The following SLC4A5 variants were observed in gnomAD, a reference collection of about 807,000 sequenced individuals.
The protein encoded by SLC4A5 is electrogenic sodium bicarbonate cotransporter 4.
Under a neutral mutation model 120.4 loss-of-function variants are expected in SLC4A5, and 96 were observed. The observed-to-expected ratio is 0.80, with a 90% confidence interval of 0.68 to 0.94. The LOEUF (loss-of-function observed/expected upper bound fraction) is 0.94. Ranked by LOEUF, SLC4A5 falls within the 40% of genes least tolerant of loss-of-function variation. The pLI is 0.00. For missense variants in SLC4A5, 1,259 were observed against 1,459.5 expected (o/e 0.86, Z 2.24); for synonymous variants, 550 against 571.1 (o/e 0.96, Z 0.53).
chr2:74,233,178 C>A (rs1377377200), intron 23 of SLC4A5, among the ~76,000 whole-genome samples: 1 of 152,200 alleles, frequency 6.6e-6, no homozygotes, highest in African/African-American at 2.4e-5. Context: ...CCCAGTGGCC[C>A]AGCCTAGTTT....
intron 9 of SLC4A5, among the ~76,000 whole-genome samples, chr2:74,264,818 G>A (rs1671251380): frequency 6.6e-6 from 1 of 152,144 alleles, no homozygotes; most frequent in South Asian, 2.1e-4. Context: ...AGGTTGTCAT[G>A]GCAAGAGGTA....
intron 4 of SLC4A5, among the ~76,000 whole-genome samples, chr2:74,330,127 G>C (rs772424264): frequency 6.6e-6 from 1 of 151,138 alleles, no homozygotes; most frequent in Non-Finnish European, 1.5e-5. Flanking sequence ...GATGGTGGTC[G>C]TGAGGTGTAG....
At chr2:74,227,194 TA>T in intron 26 of SLC4A5, 64 bp from the exon 27 acceptor site, 1 of 1,508,390 alleles carries the variant, frequency 6.6e-7, no homozygotes, top group African/African-American at 1.4e-5. Context: ...GTCCTGGGAC[TA>T]GGGGAAGGGG....
At chr2:74,335,004 T>C (rs1452587814) in intron 3 of SLC4A5, among the ~76,000 whole-genome samples, 2 of 152,184 alleles carry the variant, frequency 1.3e-5, no homozygotes, top group African/African-American at 2.4e-5. Flanking sequence ...AACCAAGTCC[T>C]GTTCTCCCGT....
intron 5 of SLC4A5, among the ~76,000 whole-genome samples, chr2:74,324,370 T>C (rs1304760043): frequency 1.3e-5 from 2 of 152,062 alleles, no homozygotes; most frequent in African/African-American, 4.8e-5. Flanking sequence ...AAGCAATCCT[T>C]CCATCTCAGT....
At chr2:74,341,850 G>A (rs961672723) in intron 2 of SLC4A5, among the ~76,000 whole-genome samples, 1 of 152,290 alleles carries the variant, frequency 6.6e-6, no homozygotes, top group East Asian at 1.9e-4. Context: ...GTAAGGAGAG[G>A]AAGGCTAAGA....
chr2:74,221,497 T>C (rs1480302170), exon 30 of SLC4A5: 8 of 1,614,180 alleles, frequency 5.0e-6, no homozygotes, highest in Non-Finnish European at 6.8e-6. Context: ...TGGAAGATCT[T>C]TTTCCTGGCA....
chr2:74,328,017 T>C (rs1485002267), intron 5 of SLC4A5, 103 bp downstream of exon 5: 1 of 519,972 alleles, frequency 1.9e-6, no homozygotes, highest in East Asian at 1.5e-4. Flanking sequence ...TCAGTGTGTG[T>C]GAAGCTTACT....
chr2:74,280,871 G>A (rs1474106498), intron 8 of SLC4A5, among the ~76,000 whole-genome samples: 2 of 152,054 alleles, frequency 1.3e-5, no homozygotes, highest in African/African-American at 4.8e-5. Flanking sequence ...ATTTTTAGTA[G>A]AGATGGGGTT....
Position 74,232,734 on chromosome 2 carries a change from A to T in SLC4A5, c.2596-87T>A, listed in dbSNP as rs376754364. 2.7e-6 allele frequency: 4 copies of T among 1,502,334 alleles called. No homozygotes were observed. The East Asian group carries it at 9.6e-5, about 36-fold the overall frequency. 93.1% of individuals were successfully genotyped at this position (1,502,334 alleles called of 1,614,324 possible). On this transcript the variant is annotated intron_variant, in intron 23 of 30. Transcript: ENST00000394019. ...CCATTCTGTGGAACATGGTTCAAGG[A>T]CCCCCTGCCTTCCAGAAGATACTGA...
intron 7 of SLC4A5, among the ~76,000 whole-genome samples, chr2:74,304,245 T>C (rs1390114147): frequency 2.6e-5 from 4 of 152,106 alleles, no homozygotes; most frequent in South Asian, 2.1e-4. Flanking sequence ...GAAATCAACA[T>C]AGAATGGATC....
intron 19 of SLC4A5, among the ~76,000 whole-genome samples, chr2:74,243,817 T>A (rs1573019114): frequency 1.3e-5 from 2 of 152,280 alleles, no homozygotes; most frequent in South Asian, 4.1e-4. Context: ...TCAGAAAGGG[T>A]CCAAGTATCA....
intron 8 of SLC4A5, among the ~76,000 whole-genome samples, chr2:74,280,477 C>T (rs528897762): frequency 6.6e-6 from 1 of 152,308 alleles, no homozygotes; most frequent in African/African-American, 2.4e-5. Flanking sequence ...AGGCTCAGGG[C>T]TTGCAGATAA....
chr2:74,325,925 G>GGGGAGGAGGAA (rs1416651134), intron 5 of SLC4A5, among the ~76,000 whole-genome samples: 1 of 151,208 alleles, frequency 6.6e-6, no homozygotes, highest in Non-Finnish European at 1.5e-5. Context: ...AAGGAAAGGA[G>GGGGAGGAGGAA]GGGAGGAGGA....
chr2:74,247,348 C>A (rs1322188003), intron 18 of SLC4A5, 41 bp from the exon 19 acceptor site: 2 of 1,586,970 alleles, frequency 1.3e-6, no homozygotes, highest in South Asian at 2.3e-5. Flanking sequence ...CAGCCCAGGG[C>A]TCCTGGCTGT....
At chr2:74,279,716 G>T (rs1256382862) in intron 8 of SLC4A5, among the ~76,000 whole-genome samples, 2 of 152,030 alleles carry the variant, frequency 1.3e-5, no homozygotes, top group African/African-American at 4.8e-5. Context: ...ATTATCAACT[G>T]CCCCCAAAAC....
chr2:74,259,559 A>G (rs573915255), intron 12 of SLC4A5, 29 bp downstream of exon 12: 1 of 1,612,808 alleles, frequency 6.2e-7, no homozygotes, highest in East Asian at 2.2e-5. Flanking sequence ...CTGGCCCTCC[A>G]TTGCAGCTAA....
At chr2:74,245,764 A>G (rs1414187146) in intron 19 of SLC4A5, among the ~76,000 whole-genome samples, 1 of 152,272 alleles carries the variant, frequency 6.6e-6, no homozygotes, top group Non-Finnish European at 1.5e-5. Flanking sequence ...AGTAGGGCAT[A>G]CAATAATTGT....
chr2:74,268,378 A>G (rs1671369655), intron 8 of SLC4A5, among the ~76,000 whole-genome samples: 1 of 152,192 alleles, frequency 6.6e-6, no homozygotes, highest in Non-Finnish European at 1.5e-5. Context: ...TTAACTGTAC[A>G]TTAATGGCAC....
Sources: allele counts gnomAD v4.1 joint callset (sites outside exome capture counted in the v4.1 genomes callset), GRCh38; gene constraint gnomAD v4.1.1; transcripts MANE v1.5; gene names NCBI Gene and HGNC (gene_info 2026-07-23, HGNC 2026-07-21).